Variants in DNAJA2 observed in about 807,000 individuals in gnomAD.
The protein encoded by DNAJA2 is DnaJ heat shock protein family (Hsp40) member A2.
In DNAJA2, 6 loss-of-function variants were observed where a neutral mutation model predicts 49.3. The ratio of observed to expected loss-of-function variants is 0.12; its 90% CI spans 0.07 to 0.24. DNAJA2 has a LOEUF of 0.24. Among genes scored for constraint, DNAJA2 ranks in the 10% least tolerant of loss-of-function variants. The probability of loss-of-function intolerance (pLI) is 1.00; values close to 1 mark genes in which losing one functional copy is unlikely to be tolerated. For synonymous variants in DNAJA2, 160 were observed against 172.7 expected (o/e 0.93, Z 0.58); for missense variants, 347 against 516.8 (o/e 0.67, Z 3.19).
rs1481533920 is a variant in DNAJA2, at chr16:46,964,068, T to TCA, written c.774+541_774+542dup. On this transcript the variant is annotated intron_variant, in intron 6 of 8. Coordinates refer to ENST00000317089, the MANE Select transcript of DNAJA2 (RefSeq NM_005880.4). ...GCCTGGGTAACAAAGCAAGACTCCG[T>TCA]CACACACACACAAAAAAGACCAAGG... Among the ~76,000 whole-genome samples the TCA allele has an allele frequency of 3.3e-5, 5 of 151,808 alleles. No individual in the cohort carries two copies. The South Asian group carries it at 8.3e-4, about 25-fold the overall frequency.
In DNAJA2 at chr16:46,973,576, G is replaced by T; in HGVS notation, c.-4C>A. On this transcript the variant is annotated 5_prime_UTR_variant, in exon 1 of 9. Coordinates refer to ENST00000317089, the MANE Select transcript of DNAJA2 (RefSeq NM_005880.4). The stretch of plus-strand genomic sequence containing the variant: ...TCGTGTCAGCCACGTTAGCCATGGC[G>T]GCCGGCCGGGCAGTGCTCGGGGAGA... 1 of 1,592,364 alleles carries T rather than the reference G, an allele frequency of 6.3e-7. No homozygotes were observed. Among genetic ancestry groups the T allele is most frequent in the Non-Finnish European group, 8.5e-7 (1 of 1,174,620 alleles).
chr16:46,971,751 C>G, intron 2 of DNAJA2, 145 bp downstream of exon 2: 1 of 903,724 alleles, frequency 1.1e-6, no homozygotes. Context: ...TACTCTTATT[C>G]TAAAACTAAA....
At chr16:46,964,843 T>C (rs749289414) in intron 5 of DNAJA2, 36 bp from the exon 6 acceptor site, 2 of 1,492,502 alleles carry the variant, frequency 1.3e-6, no homozygotes, top group East Asian at 4.5e-5. Context: ...TCAGCAAGAG[T>C]ACTATACTGT....
intron 4 of DNAJA2, 91 bp downstream of exon 4, chr16:46,967,993 A>C: frequency 7.8e-7 from 1 of 1,274,388 alleles, no homozygotes; most frequent in Non-Finnish European, 1.1e-6. Flanking sequence ...GTAAGTTTTA[A>C]CTTATAACAA....
chr16:46,959,432 C>T lies in DNAJA2; in HGVS notation c.775-13G>A, dbSNP rs765337264. The T allele has an allele frequency of 6.2e-7, 1 of 1,600,270 alleles. No individual in the cohort carries two copies. Among genetic ancestry groups the T allele is most frequent in the Non-Finnish European group, 8.5e-7 (1 of 1,170,944 alleles). On this transcript the variant is annotated splice_polypyrimidine_tract_variant and intron_variant, in intron 6 of 8. Transcript: ENST00000317089. ...CTCTCTGAAATACCTATAAATAAAG[C>T]ACAAAAGAAATACATTTTCTTAAAA...
In DNAJA2 at chr16:46,972,147, G is replaced by A. The variant is rs537459213; in HGVS notation, c.79-192C>T. Reference sequence around the variant, plus strand: ...CTAATGTAATATAACCAAGTAGACAGCAGCTATACTTGAAAACAGGTTACA... The same window carrying A: ...CTAATGTAATATAACCAAGTAGACAACAGCTATACTTGAAAACAGGTTACA... On this transcript the variant is annotated intron_variant, in intron 1 of 8. Coordinates refer to ENST00000317089, the MANE Select transcript of DNAJA2 (RefSeq NM_005880.4). The A allele has an allele frequency of 6.3e-4, 350 of 556,798 alleles. 6 individuals carry two copies. The South Asian group carries it at 7.6e-3, about 12-fold the overall frequency. 34.5% of individuals were successfully genotyped at this position (556,798 alleles called of 1,614,324 possible).
intron 6 of DNAJA2, among the ~76,000 whole-genome samples, chr16:46,962,620 C>G: frequency 6.6e-6 from 1 of 152,166 alleles, no homozygotes; most frequent in East Asian, 1.9e-4. Context: ...GTGTGCACAG[C>G]AGCAAGACTG....
chr16:46,968,873 T>C (rs1236601697), intron 3 of DNAJA2, among the ~76,000 whole-genome samples: 4 of 152,000 alleles, frequency 2.6e-5, no homozygotes, highest in Admixed American at 2.0e-4. Context: ...TAGAGAGACC[T>C]CATCTTTACC....
In DNAJA2 at chr16:46,971,969, T is replaced by C; in HGVS notation, c.79-14A>G. 6.3e-7 allele frequency: 1 copy of C among 1,594,020 alleles called. No homozygotes were observed. Among genetic ancestry groups the C allele is most frequent in the Non-Finnish European group, 8.6e-7 (1 of 1,164,030 alleles). On this transcript the variant is annotated splice_polypyrimidine_tract_variant and intron_variant, in intron 1 of 8. Coordinates refer to ENST00000317089, the MANE Select transcript of DNAJA2 (RefSeq NM_005880.4). ...CTTTCTGTATGCCTTTGAAAATGGA[T>C]AAAAACAAAAAAGGTTATAACTAAA... is the stretch of plus-strand genomic sequence containing the variant.
rs970758231 is a variant in DNAJA2, at chr16:46,956,287, G to A, written c.*742C>T. The A allele has an allele frequency of 4.6e-5, 7 of 152,058 alleles. No homozygotes were observed. The highest frequency in any genetic ancestry group is 1.7e-4 in the African/African-American group (7 of 41,390). The allele number at this position is 152,058 out of a possible 1,614,324, so 9.4% of individuals were successfully genotyped here. ...AGATGGGCATAGGCCTGAGATATAA[G>A]CTTCAGGCCAATGGGTTTTTATGGG... On this transcript the variant is annotated 3_prime_UTR_variant, in exon 9 of 9. Coordinates refer to ENST00000317089, the MANE Select transcript of DNAJA2 (RefSeq NM_005880.4).
At chr16:46,962,628 CTG>C (rs1415411121) in intron 6 of DNAJA2, among the ~76,000 whole-genome samples, 1 of 152,154 alleles carries the variant, frequency 6.6e-6, no homozygotes, top group Non-Finnish European at 1.5e-5. Context: ...AGCAGCAAGA[CTG>C]AAGGAACAAG....
chr16:46,956,989 TG>T lies in DNAJA2; in HGVS notation c.*39del. The T allele has an allele frequency of 6.2e-7, 1 of 1,609,462 alleles. No homozygotes were observed. The highest frequency in any genetic ancestry group is 8.5e-7 in the Non-Finnish European group (1 of 1,175,780). On this transcript the variant is annotated 3_prime_UTR_variant, in exon 9 of 9. Transcript: ENST00000317089. ...GATTGCTGAGAACAAATCAGGCAAA[TG>T]TGGAAAGAAAATCCACCTGTGCAAT...
chr16:46,965,755 A>C (rs55676919), intron 5 of DNAJA2, among the ~76,000 whole-genome samples: 3 of 150,858 alleles, frequency 2.0e-5, no homozygotes, highest in Non-Finnish European at 4.4e-5. Flanking sequence ...CACTTGAACC[A>C]GGGAGGCAGA....
chr16:46,973,664 A>T lies in DNAJA2; in HGVS notation c.-92T>A. ...GCGGCGTCGGCGGCGGCACAGGCCG[A>T]GGGAGACAGCGAGGGGGAAGCGGGG... is the stretch of plus-strand genomic sequence containing the variant. On this transcript the variant is annotated 5_prime_UTR_variant, in exon 1 of 9. Coordinates refer to ENST00000317089, the MANE Select transcript of DNAJA2 (RefSeq NM_005880.4). 9 of 1,358,484 alleles carry T rather than the reference A, an allele frequency of 6.6e-6. No homozygotes were observed. The highest frequency in any genetic ancestry group is 9.1e-6 in the Non-Finnish European group (9 of 991,460). 84.2% of individuals were successfully genotyped at this position (1,358,484 alleles called of 1,614,324 possible).
chr16:46,959,322 C>A lies in DNAJA2; in HGVS notation c.872G>T (p.Gly291Val), dbSNP rs758668893. 6.2e-6 allele frequency: 10 copies of A among 1,614,006 alleles called. No homozygotes were observed. The highest frequency in any genetic ancestry group is 2.5e-6 in the Non-Finnish European group (3 of 1,179,982). The change falls in exon 7 of 9, where the codon GGA becomes GTA. Residue 291 changes from glycine (G) to valine (V), a missense_variant. Gly to Val is a moderately radical substitution (Grantham distance 109). Coordinates refer to ENST00000317089, the MANE Select transcript of DNAJA2 (RefSeq NM_005880.4). ...GGGGTATTTCACCACAATCTGACGT[C>A]CATCAAGGTGCTTAAATGTGAACTG... ...GFQFTFKHLD[G>V]RQIVVKYPPG...
chr16:46,955,906 T>C lies in DNAJA2; in HGVS notation c.*1123A>G, dbSNP rs1463188234. The C allele has an allele frequency of 6.6e-6, 1 of 152,170 alleles. No homozygotes were observed. Among genetic ancestry groups the C allele is most frequent in the Non-Finnish European group, 1.5e-5 (1 of 68,030 alleles). 9.4% of individuals were successfully genotyped at this position (152,170 alleles called of 1,614,324 possible). On this transcript the variant is annotated 3_prime_UTR_variant, in exon 9 of 9. Transcript: ENST00000317089. ...AAATATAAATAACTACAACAATGCATATTTCAGTTGCCTTCATTCTTAAAT... is the reference window on the plus strand; with the variant it reads ...AAATATAAATAACTACAACAATGCACATTTCAGTTGCCTTCATTCTTAAAT...
intron 6 of DNAJA2, 70 bp from the exon 7 acceptor site, chr16:46,959,489 CCTTGA>C (rs1961864749): frequency 4.3e-6 from 6 of 1,405,484 alleles, no homozygotes; most frequent in South Asian, 3.8e-5. Flanking sequence ...GCATTATGTT[CCTTGA>C]CTTAATTTCA....
intron 4 of DNAJA2, 76 bp downstream of exon 4, chr16:46,968,008 T>C (rs1961997265): frequency 7.4e-7 from 1 of 1,342,888 alleles, no homozygotes. Flanking sequence ...TAACAATTTT[T>C]ACGTGGTACA....
chr16:46,966,893 C>T (rs1015122892), intron 5 of DNAJA2, among the ~76,000 whole-genome samples: 1 of 152,078 alleles, frequency 6.6e-6, no homozygotes, highest in Non-Finnish European at 1.5e-5. Context: ...AGATAGTCCT[C>T]CTATGGTGGT....
Sources: allele counts gnomAD v4.1 joint callset (sites outside exome capture counted in the v4.1 genomes callset), GRCh38; gene constraint gnomAD v4.1.1; transcripts MANE v1.5; gene names NCBI Gene and HGNC (gene_info 2026-07-23, HGNC 2026-07-21).